The following LUZP2 variants were observed in gnomAD, a reference collection of about 807,000 sequenced individuals.
LUZP2 encodes the protein leucine zipper protein 2.
Under a neutral mutation model 51.6 loss-of-function variants are expected in LUZP2, and 52 were observed. That is an observed-to-expected ratio of 1.01 (90% CI 0.81 to 1.27). The LOEUF (loss-of-function observed/expected upper bound fraction) is 1.27, where lower values mean the gene tolerates loss of function less well. Ranked by LOEUF, LUZP2 falls within the 50% of genes most tolerant of loss-of-function variation. The pLI is 0.00. For synonymous variants in LUZP2, 154 were observed against 137.3 expected, an observed-to-expected ratio of 1.12 and a Z score of -0.85; for missense variants, 436 against 395.4, an observed-to-expected ratio of 1.10 and a Z score of -0.87.
At chr11:24,781,814 C>A (rs143388722) in intron 5 of LUZP2, among the ~76,000 whole-genome samples, 1 of 151,926 alleles carries the variant, frequency 6.6e-6, no homozygotes, top group Non-Finnish European at 1.5e-5. Context: ...TTACCCAATA[C>A]ATTAAAAAAA....
chr11:24,617,297 T>TA (rs1442904505), intron 1 of LUZP2, among the ~76,000 whole-genome samples: 1 of 152,126 alleles, frequency 6.6e-6, no homozygotes, highest in African/African-American at 2.4e-5. Flanking sequence ...TATTTTTAGT[T>TA]AAAAAAATCC....
intron 1 of LUZP2, among the ~76,000 whole-genome samples, chr11:24,653,849 C>G (rs1018590513): frequency 6.6e-5 from 10 of 152,134 alleles, no homozygotes; most frequent in African/African-American, 2.2e-4. Context: ...AAGATATGAA[C>G]TGAAAAGTGA....
chr11:25,043,384 T>A (rs939504644), intron 9 of LUZP2, among the ~76,000 whole-genome samples: 1 of 151,980 alleles, frequency 6.6e-6, no homozygotes, highest in African/African-American at 2.4e-5. Context: ...ATCAAGTAAA[T>A]CATACATCTT....
chr11:24,724,387 T>A (rs929173987), intron 1 of LUZP2, among the ~76,000 whole-genome samples: 1 of 151,992 alleles, frequency 6.6e-6, no homozygotes, highest in African/African-American at 2.4e-5. Flanking sequence ...CTGGGTAACA[T>A]GGCAAAACCC....
At chr11:24,790,141 C>A (rs2134092991) in intron 5 of LUZP2, among the ~76,000 whole-genome samples, 1 of 152,212 alleles carries the variant, frequency 6.6e-6, no homozygotes, top group South Asian at 2.1e-4. Flanking sequence ...TTGTGTCACT[C>A]ATCTTTGAAA....
At chr11:24,845,201 G>A (rs1420308054) in intron 5 of LUZP2, among the ~76,000 whole-genome samples, 1 of 152,188 alleles carries the variant, frequency 6.6e-6, no homozygotes, top group African/African-American at 2.4e-5. Context: ...CTAAGACCAT[G>A]GGAACCCATC....
intron 1 of LUZP2, among the ~76,000 whole-genome samples, chr11:24,652,189 G>A (rs1027954370): frequency 6.6e-6 from 1 of 152,072 alleles, no homozygotes; most frequent in Non-Finnish European, 1.5e-5. Context: ...TACTTTACCT[G>A]CAAAGAAGAG....
At chr11:25,027,796 G>A (rs773535258) in intron 9 of LUZP2, among the ~76,000 whole-genome samples, 13 of 151,724 alleles carry the variant, frequency 8.6e-5, no homozygotes, top group Non-Finnish European at 1.8e-4. Context: ...CTTGAACCCG[G>A]GAGGCAGAGG....
chr11:24,819,345 T>C (rs1273399961), intron 5 of LUZP2, among the ~76,000 whole-genome samples: 1 of 152,042 alleles, frequency 6.6e-6, no homozygotes, highest in African/African-American at 2.4e-5. Context: ...TGAGGAATTG[T>C]AAGCAAGAGA....
intron 7 of LUZP2, among the ~76,000 whole-genome samples, chr11:24,963,770 C>A (rs1006677020): frequency 6.6e-6 from 1 of 152,088 alleles, no homozygotes; most frequent in Non-Finnish European, 1.5e-5. Context: ...GCGCTGCATC[C>A]ACTGACCTGC....
chr11:24,773,710 C>T (rs1049206388), intron 5 of LUZP2, among the ~76,000 whole-genome samples: 7 of 152,090 alleles, frequency 4.6e-5, no homozygotes, highest in Admixed American at 3.9e-4. Context: ...TGTCTCATGT[C>T]TCAGTAGCAT....
At chr11:24,550,283 A>G (rs1252938345) in intron 1 of LUZP2, among the ~76,000 whole-genome samples, 1 of 152,132 alleles carries the variant, frequency 6.6e-6, no homozygotes, top group Non-Finnish European at 1.5e-5. Flanking sequence ...TTTAAAGAAT[A>G]ATTTTGAAGT....
chr11:24,986,858 T>C (rs1409275884), intron 9 of LUZP2, among the ~76,000 whole-genome samples: 1 of 151,788 alleles, frequency 6.6e-6, no homozygotes, highest in Non-Finnish European at 1.5e-5. Flanking sequence ...CTACCACTTT[T>C]AGTTTAAAAG....
Position 25,038,866 on chromosome 11 carries a change from C to T in LUZP2, c.766-11172C>T, listed in dbSNP as rs552454119. 1.7e-4 allele frequency among the ~76,000 whole-genome samples: 26 copies of T among 152,260 alleles called. 1 individual carries two copies. The highest frequency in any genetic ancestry group is 4.8e-4 in the African/African-American group (20 of 41,556). On this transcript the variant is annotated intron_variant, in intron 9 of 11. Coordinates refer to ENST00000336930, the MANE Select transcript of LUZP2 (RefSeq NM_001009909.4). ...GAGCTAAGGCTCTGTACAAAGTCTT[C>T]GTTGCTGAATTCTTGCTCTTGGTTT...
At chr11:24,643,274 A>C (rs1234769622) in intron 1 of LUZP2, among the ~76,000 whole-genome samples, 1 of 149,980 alleles carries the variant, frequency 6.7e-6, no homozygotes, top group African/African-American at 2.4e-5. Context: ...AAAAAAAAAA[A>C]AAATTAGCTG....
At position 24,957,090 on chromosome 11, in the gene LUZP2, G is replaced by A. The variant is rs528487192; in HGVS notation, c.523-19501G>A. Among the ~76,000 whole-genome samples the A allele has an allele frequency of 4.6e-5, 7 of 152,238 alleles. No homozygotes were observed. In the East Asian group the frequency reaches 1.4e-3, roughly 29 times the overall value. ...GTTGTTTTATTTGTAGGTATACTAA[G>A]GGCCTGTCTTGTTGTCTTGTTCAAC... is the stretch of plus-strand genomic sequence containing the variant. On this transcript the variant is annotated intron_variant, in intron 7 of 11. Coordinates refer to ENST00000336930, the MANE Select transcript of LUZP2 (RefSeq NM_001009909.4).
chr11:24,720,037 T>A (rs1188248563), intron 1 of LUZP2, among the ~76,000 whole-genome samples: 3 of 152,138 alleles, frequency 2.0e-5, no homozygotes, highest in Admixed American at 2.0e-4. Flanking sequence ...TAAATGATAA[T>A]AAAATAGACA....
chr11:24,816,984 C>T (rs1256729788), intron 5 of LUZP2, among the ~76,000 whole-genome samples: 3 of 151,924 alleles, frequency 2.0e-5, no homozygotes, highest in Admixed American at 6.6e-5. Context: ...ACCCATTACC[C>T]TCAGGGATTA....
intron 1 of LUZP2, among the ~76,000 whole-genome samples, chr11:24,691,919 C>A (rs981056385): frequency 2.0e-5 from 3 of 151,898 alleles, no homozygotes; most frequent in African/African-American, 7.2e-5. Context: ...TTCAAAGATT[C>A]ATTTAGTAGA....
Sources: gnomAD v4.1 joint callset for allele counts (sites outside exome capture counted in the v4.1 genomes callset) on GRCh38, gnomAD v4.1.1 for gene constraint, MANE v1.5 for transcripts, NCBI Gene and HGNC (gene_info 2026-07-23, HGNC 2026-07-21) for gene names.